The following SCARA3 variants were observed in gnomAD, a reference collection of about 807,000 sequenced individuals.
The protein encoded by SCARA3 is scavenger receptor class A member 3, also known as cellular stress response gene protein.
Under a neutral mutation model 47.0 loss-of-function variants are expected in SCARA3, and 39 were observed. That is an observed-to-expected ratio of 0.83 (90% CI 0.64 to 1.08). SCARA3 has a LOEUF of 1.08. SCARA3 is among the 50% of genes least tolerant of loss of function. SCARA3 has a pLI of 0.00. For synonymous variants in SCARA3, 356 were observed against 334.1 expected (o/e 1.07, Z -0.71); for missense variants, 724 against 792.3 (o/e 0.91, Z 1.04).
At chr8:27,733,901 G>A in the SCARA3 span, 1 of 152,164 alleles carries the variant, frequency 6.6e-6, no homozygotes, top group Non-Finnish European at 1.5e-5. Context: ...TAAACTAGAA[G>A]CTGCAGCTGA....
the SCARA3 span, among the ~76,000 whole-genome samples, chr8:27,732,888 T>C: frequency 6.6e-6 from 1 of 152,198 alleles, no homozygotes; most frequent in Non-Finnish European, 1.5e-5. Flanking sequence ...CTCACAATAG[T>C]GTAAACTCTA....
At chr8:27,720,936 C>T in the SCARA3 span, among the ~76,000 whole-genome samples, 742 of 152,178 alleles carry the variant, frequency 4.9e-3, 7 homozygotes, top group African/African-American at 0.016. Context: ...ACTCATTCAT[C>T]TATTCATCCA....
At chr8:27,685,775 C>A in the SCARA3 span, among the ~76,000 whole-genome samples, 11,722 of 152,200 alleles carry the variant, frequency 0.077, 506 homozygotes, top group East Asian at 0.22. Context: ...AATCACCCTA[C>A]GTGTAATCAA....
chr8:27,646,817 C>T (rs1801502675), intron 1 of SCARA3, among the ~76,000 whole-genome samples: 1 of 152,168 alleles, frequency 6.6e-6, no homozygotes, highest in South Asian at 2.1e-4. Context: ...CCAGGCCAGG[C>T]TTCCTTGTAA....
intron 1 of SCARA3, among the ~76,000 whole-genome samples, chr8:27,641,850 T>C (rs961969159): frequency 2.0e-5 from 3 of 152,224 alleles, no homozygotes; most frequent in Admixed American, 1.3e-4. Flanking sequence ...TTCAAGTTGA[T>C]GGCAGGAGAC....
the SCARA3 span, among the ~76,000 whole-genome samples, chr8:27,732,044 T>C: frequency 6.6e-6 from 1 of 152,198 alleles, no homozygotes; most frequent in Admixed American, 6.5e-5. Context: ...CATAAGCAAA[T>C]GTTAGCCTTG....
the SCARA3 span, among the ~76,000 whole-genome samples, chr8:27,692,634 A>G: frequency 1.3e-5 from 2 of 152,120 alleles, no homozygotes; most frequent in Non-Finnish European, 2.9e-5. Flanking sequence ...CTGATCCAGG[A>G]GAGAATTAAC....
In SCARA3 at chr8:27,649,730, C is replaced by T; in HGVS notation, c.36C>T (p.Ala12=). 4.3e-6 allele frequency: 7 copies of T among 1,614,154 alleles called. No individual in the cohort carries two copies. Among genetic ancestry groups the T allele is most frequent in the Non-Finnish European group, 5.9e-6 (7 of 1,180,028 alleles). ...KVRSAGGDGD[A]LCVTEEDLAG... is the part of the protein sequence containing the mutation. ...GGTCGGCCGGCGGCGATGGAGATGC[C>T]TTGTGCGTTACAGAAGAGGACCTGG... Residue 12 remains alanine, a synonymous_variant, in exon 2 of 6, where the codon GCC becomes GCT. Transcript: ENST00000301904.
At chr8:27,645,512 G>A (rs996844702) in intron 1 of SCARA3, among the ~76,000 whole-genome samples, 3 of 152,286 alleles carry the variant, frequency 2.0e-5, no homozygotes, top group African/African-American at 7.2e-5. Context: ...CAACTCTGCA[G>A]ACACTCAAAT....
At chr8:27,707,465 T>G in the SCARA3 span, among the ~76,000 whole-genome samples, 1 of 87,240 alleles carries the variant, frequency 1.1e-5, no homozygotes, top group African/African-American at 4.3e-5. Flanking sequence ...TAATAGATTT[T>G]GAAAATTAAT....
chr8:27,684,922 T>C, the SCARA3 span, among the ~76,000 whole-genome samples: 49,216 of 150,662 alleles, frequency 0.33, 10,043 homozygotes, highest in Non-Finnish European at 0.45. Flanking sequence ...TTAATTAATG[T>C]AAAAAAAAAG....
intron 1 of SCARA3, 71 bp downstream of exon 1, chr8:27,634,278 G>A: frequency 1.6e-6 from 2 of 1,271,984 alleles, no homozygotes; most frequent in Non-Finnish European, 2.0e-6. Context: ...GGGCCTGGGG[G>A]GCGCCTTTTC....
In SCARA3 at chr8:27,672,313, TG is replaced by T; in HGVS notation, c.*967del. The stretch of plus-strand genomic sequence containing the variant: ...AATCCAAGCAGGAGTTTCATCTGCA[TG>T]GGGGCACTCTGCAGGCCCTGGAACA... On this transcript the variant is annotated 3_prime_UTR_variant, in exon 6 of 6. Transcript: ENST00000301904. 1.0e-6 allele frequency: 1 copy of T among 985,432 alleles called. No individual in the cohort carries two copies. The highest frequency in any genetic ancestry group is 1.2e-6 in the Non-Finnish European group (1 of 829,956). 61.0% of individuals were successfully genotyped at this position (985,432 alleles called of 1,614,324 possible).
At chr8:27,714,847 T>C in the SCARA3 span, among the ~76,000 whole-genome samples, 1 of 152,220 alleles carries the variant, frequency 6.6e-6, no homozygotes, top group East Asian at 1.9e-4. Context: ...CATGTATACA[T>C]ACAGGCTCTT....
At chr8:27,695,501 A>G in the SCARA3 span, among the ~76,000 whole-genome samples, 2 of 152,210 alleles carry the variant, frequency 1.3e-5, no homozygotes, top group Non-Finnish European at 2.9e-5. Context: ...AAAATTACTA[A>G]CTATAGGAAA....
chr8:27,715,620 T>C, the SCARA3 span, among the ~76,000 whole-genome samples: 2 of 140,350 alleles, frequency 1.4e-5, no homozygotes, highest in Admixed American at 7.0e-5. This position sits in a 1 kb window ranked among gnomAD's most constrained non-coding sequence, Gnocchi z 4.2. Flanking sequence ...GATAGATAGA[T>C]AGATAGATAG....
At chr8:27,689,765 A>T in the SCARA3 span, among the ~76,000 whole-genome samples, 3 of 152,074 alleles carry the variant, frequency 2.0e-5, no homozygotes, top group Non-Finnish European at 4.4e-5. Context: ...CTAGCAGAGG[A>T]TCCTGGGCCC....
intron 3 of SCARA3, among the ~76,000 whole-genome samples, chr8:27,653,172 T>C (rs1207486445): frequency 1.3e-5 from 2 of 152,186 alleles, no homozygotes; most frequent in East Asian, 3.8e-4. Flanking sequence ...GGGGCCATTA[T>C]CAAAGCTCCA....
Position 27,642,878 on chromosome 8 carries a change from A to G in SCARA3, c.8-6824A>G, listed in dbSNP as rs35603735. On this transcript the variant is annotated intron_variant, in intron 1 of 5. Coordinates refer to ENST00000301904, the MANE Select transcript of SCARA3 (RefSeq NM_016240.3). ...AAAGCCAGTGATTCCCACCCCTCCCATCCCTCTGAATTCATGGGGTTCAGG... is the reference window on the plus strand; with the variant it reads ...AAAGCCAGTGATTCCCACCCCTCCCGTCCCTCTGAATTCATGGGGTTCAGG... Among the ~76,000 whole-genome samples, 232 of 152,226 alleles carry G rather than the reference A, an allele frequency of 1.5e-3. 6 individuals are homozygous for G. The East Asian group carries it at 0.023, about 15-fold the overall frequency.
Sources: allele counts gnomAD v4.1 joint callset (sites outside exome capture counted in the v4.1 genomes callset), GRCh38; gene constraint gnomAD v4.1.1; non-coding constraint Gnocchi (gnomAD v3.1); transcripts MANE v1.5; gene names NCBI Gene and HGNC (gene_info 2026-07-23, HGNC 2026-07-21).